FTO: variants seen among roughly 807,000 people sequenced by gnomAD.
FTO encodes FTO alpha-ketoglutarate dependent dioxygenase.
A neutral mutation model predicts 63.9 loss-of-function variants in FTO; 47 were observed. The observed-to-expected ratio is 0.74, with a 90% confidence interval of 0.58 to 0.94. The LOEUF (loss-of-function observed/expected upper bound fraction) is 0.94. FTO is among the 40% of genes least tolerant of loss of function. FTO has a pLI of 0.00. For synonymous variants in FTO, 207 were observed against 224.4 expected, an observed-to-expected ratio of 0.92 and a Z score of 0.69; for missense variants, 562 against 618.1, an observed-to-expected ratio of 0.91 and a Z score of 0.96.
At chr16:53,913,058 A>G (rs1285242892) in intron 7 of FTO, among the ~76,000 whole-genome samples, 2 of 152,100 alleles carry the variant, frequency 1.3e-5, no homozygotes, top group Non-Finnish European at 2.9e-5. Context: ...CAGTGGTGGT[A>G]ATTTGTTTCT....
chr16:53,876,894 T>A (rs1227838302), intron 5 of FTO, among the ~76,000 whole-genome samples: 2 of 152,272 alleles, frequency 1.3e-5, no homozygotes, highest in South Asian at 4.1e-4. Flanking sequence ...ACCACTGCAC[T>A]CCAGCCTGAG....
At chr16:53,790,324 C>A (rs1192117963) in intron 1 of FTO, among the ~76,000 whole-genome samples, 1 of 151,926 alleles carries the variant, frequency 6.6e-6, no homozygotes, top group African/African-American at 2.4e-5. Flanking sequence ...ATTCTATTTT[C>A]TGTCTCTACA....
At chr16:53,896,694 A>T (rs2081286195) in intron 7 of FTO, among the ~76,000 whole-genome samples, 1 of 152,174 alleles carries the variant, frequency 6.6e-6, no homozygotes, top group South Asian at 2.1e-4. Context: ...GGAAGCGTGG[A>T]GAGTCTTCAA....
At chr16:53,858,741 A>G (rs749428677) in intron 4 of FTO, among the ~76,000 whole-genome samples, 6 of 151,048 alleles carry the variant, frequency 4.0e-5, no homozygotes, top group African/African-American at 1.5e-4. Context: ...GCTCACTGCA[A>G]CCTCCGCCTC....
intron 8 of FTO, among the ~76,000 whole-genome samples, chr16:54,031,609 AGT>A (rs2084834407): frequency 6.6e-6 from 1 of 151,958 alleles, no homozygotes; most frequent in African/African-American, 2.4e-5. Context: ...CAGAATGCAA[AGT>A]CTGAAAAATA....
At position 54,044,911 on chromosome 16, in the gene FTO, G is replaced by A. The variant is rs1216903925; in HGVS notation, c.1365-66851G>A. Among the ~76,000 whole-genome samples, 3 of 105,592 alleles carry A rather than the reference G, an allele frequency of 2.8e-5. 1 individual carries two copies. Among genetic ancestry groups the A allele is most frequent in the Non-Finnish European group, 5.0e-5 (3 of 59,698 alleles). 69.3% of individuals were successfully genotyped at this position (105,592 alleles called of 152,430 possible). ...AATAAAGATGTTCTTTGAAACCAAC[G>A]AGAACAAAGACACCACATAACAGAA... On this transcript the variant is annotated intron_variant, in intron 8 of 8. Coordinates refer to ENST00000471389, the MANE Select transcript of FTO (RefSeq NM_001080432.3).
chr16:53,875,969 G>A (rs542946787), intron 5 of FTO, among the ~76,000 whole-genome samples: 5 of 152,310 alleles, frequency 3.3e-5, no homozygotes, highest in Non-Finnish European at 5.9e-5. Flanking sequence ...GATTACAGGC[G>A]TGAGCCAATG....
At chr16:53,949,697 C>CAA (rs11344563) in intron 8 of FTO, among the ~76,000 whole-genome samples, 2 of 130,112 alleles carry the variant, frequency 1.5e-5, no homozygotes, top group Non-Finnish European at 3.3e-5. Context: ...GCAGTTTGTG[C>CAA]AAAAAAAAAA....
At chr16:53,950,641 A>G (rs914866733) in intron 8 of FTO, among the ~76,000 whole-genome samples, 1 of 152,238 alleles carries the variant, frequency 6.6e-6, no homozygotes, top group Non-Finnish European at 1.5e-5. Flanking sequence ...GAGAGTGCCC[A>G]GAAGAACTAA....
chr16:53,850,055 C>T (rs897419771), intron 4 of FTO, among the ~76,000 whole-genome samples: 1 of 152,176 alleles, frequency 6.6e-6, no homozygotes, highest in African/African-American at 2.4e-5. Flanking sequence ...TTTATTACCT[C>T]TCATGGGTCT....
chr16:54,118,223 G>A lies in FTO; in HGVS notation c.*6308G>A, dbSNP rs2086984963. The stretch of plus-strand genomic sequence containing the variant: ...CCTAGGACAGCAAGGTGCCCTACAG[G>A]TGGGGCCAAAAGGGTCAAGACCGTT... On this transcript the variant is annotated 3_prime_UTR_variant, in exon 9 of 9. Coordinates refer to ENST00000471389, the MANE Select transcript of FTO (RefSeq NM_001080432.3). 1 of 152,264 alleles carries A rather than the reference G, an allele frequency of 6.6e-6. No homozygotes were observed. The highest frequency in any genetic ancestry group is 2.1e-4 in the South Asian group (1 of 4,836). The allele number at this position is 152,264 out of a possible 1,614,324, so 9.4% of individuals were successfully genotyped here. A position where few individuals can be genotyped will look rare whatever the true frequency, so the allele number is the denominator to read the frequency against.
intron 1 of FTO, among the ~76,000 whole-genome samples, chr16:53,744,834 C>CGT (rs34755534): frequency 2.6e-5 from 4 of 150,996 alleles, no homozygotes; most frequent in Non-Finnish European, 4.4e-5. Flanking sequence ...TTCCCCCCCC[C>CGT]CATATATGAA....
At chr16:53,919,685 C>A (rs746688458) in intron 7 of FTO, among the ~76,000 whole-genome samples, 8 of 152,174 alleles carry the variant, frequency 5.3e-5, no homozygotes, top group Non-Finnish European at 1.0e-4. Flanking sequence ...GCATTCACAG[C>A]AACCTGGATG....
At chr16:53,925,960 C>T (rs1418039234) in intron 7 of FTO, among the ~76,000 whole-genome samples, 2 of 152,138 alleles carry the variant, frequency 1.3e-5, no homozygotes, top group Non-Finnish European at 1.5e-5. Context: ...CTCTCTCTGT[C>T]TCTCTCTGGC....
intron 8 of FTO, among the ~76,000 whole-genome samples, chr16:54,030,994 A>G (rs376953674): frequency 5.9e-5 from 9 of 152,344 alleles, no homozygotes; most frequent in Non-Finnish European, 1.0e-4. Flanking sequence ...AGAAATTTCA[A>G]TGCAAAGGAG....
intron 4 of FTO, among the ~76,000 whole-genome samples, chr16:53,847,961 G>C (rs12447581): frequency 0.18 from 27,773 of 151,946 alleles, 2,754 homozygotes; most frequent in East Asian, 0.33. Flanking sequence ...ATCTACTCTT[G>C]ATTTCCCATG....
At chr16:53,719,630 C>CT (rs1205663542) in intron 1 of FTO, among the ~76,000 whole-genome samples, 3 of 118,110 alleles carry the variant, frequency 2.5e-5, no homozygotes, top group Non-Finnish European at 5.3e-5. Flanking sequence ...TGCTGGTAGT[C>CT]TGTTTTTTTT....
chr16:53,933,695 C>G (rs2082328803), intron 7 of FTO, among the ~76,000 whole-genome samples: 1 of 151,620 alleles, frequency 6.6e-6, no homozygotes, highest in Admixed American at 6.6e-5. Context: ...TAGGCAATTC[C>G]CAGGAAAAAA....
intron 1 of FTO, among the ~76,000 whole-genome samples, chr16:53,791,940 A>G (rs1188576971): frequency 2.0e-5 from 3 of 151,970 alleles, no homozygotes; most frequent in Non-Finnish European, 4.4e-5. Context: ...TCCGGGCGTG[A>G]TGGCGGGCGC....
Sources: allele counts gnomAD v4.1 joint callset (sites outside exome capture counted in the v4.1 genomes callset), GRCh38; gene constraint gnomAD v4.1.1; transcripts MANE v1.5; gene names NCBI Gene and HGNC (gene_info 2026-07-23, HGNC 2026-07-21).